The following CERS6 variants were observed in gnomAD, a reference collection of about 807,000 sequenced individuals.
CERS6 encodes ceramide synthase 6.
A neutral mutation model predicts 56.8 loss-of-function variants in CERS6; 26 were observed. The observed-to-expected ratio is 0.46, with a 90% CI of 0.34 to 0.63. The LOEUF (loss-of-function observed/expected upper bound fraction) is 0.63. CERS6 is among the 30% of genes least tolerant of loss of function. The pLI is 0.01. For missense variants in CERS6, 415 were observed against 467.5 expected, an observed-to-expected ratio of 0.89 and a Z score of 1.04; for synonymous variants, 164 against 173.3, an observed-to-expected ratio of 0.95 and a Z score of 0.42.
At chr2:168,523,565 G>T (rs1367670005) in intron 1 of CERS6, among the ~76,000 whole-genome samples, 2 of 152,058 alleles carry the variant, frequency 1.3e-5, no homozygotes, top group Non-Finnish European at 2.9e-5. Context: ...AGAGTAGAAA[G>T]AGCAAGCTCT....
At chr2:168,701,986 T>C (rs1251576413) in intron 6 of CERS6, among the ~76,000 whole-genome samples, 7 of 152,234 alleles carry the variant, frequency 4.6e-5, no homozygotes, top group Non-Finnish European at 1.0e-4. Context: ...TTATACTGTA[T>C]TTCTTAGGGA....
chr2:168,515,697 T>C (rs1694872586), intron 1 of CERS6, among the ~76,000 whole-genome samples: 1 of 152,232 alleles, frequency 6.6e-6, no homozygotes, highest in Non-Finnish European at 1.5e-5. Context: ...GAATGCGGTA[T>C]TTTAGAAGTC....
rs562882373 is a variant in CERS6 at position 168,642,168 on chromosome 2, T to C, written c.465+11126T>C. Among the ~76,000 whole-genome samples the C allele has an allele frequency of 2.0e-5, 3 of 152,094 alleles. No individual in the cohort carries two copies. The South Asian group carries it at 6.2e-4, about 32-fold the overall frequency. On this transcript the variant is annotated intron_variant, in intron 4 of 9. Transcript: ENST00000305747. ...AGGCATATCACTTGAGCCCAGGAGT[T>C]TGAGACCAACCTAGGCAATGTGACA...
chr2:168,662,251 A>T (rs1007829034), intron 4 of CERS6, among the ~76,000 whole-genome samples: 6 of 151,976 alleles, frequency 3.9e-5, no homozygotes, highest in Non-Finnish European at 7.4e-5. Context: ...GAGCCAATAC[A>T]TTTCACATAC....
chr2:168,631,001 T>A lies in CERS6; in HGVS notation c.424T>A (p.Tyr142Asn). 2.0e-6 allele frequency: 3 copies of A among 1,528,888 alleles called. No homozygotes were observed. The highest frequency in any genetic ancestry group is 2.7e-6 in the Non-Finnish European group (3 of 1,120,634). The allele number at this position is 1,528,888 out of a possible 1,614,324, so 94.7% of individuals were successfully genotyped here. A position where few individuals can be genotyped will look rare whatever the true frequency, so the allele number is the denominator to read the frequency against. ...CTTCTACAGGTGGAGATTTTCATTT[T>A]ACCTTTATGTATTTACCTACGGAGT... ...FCESMWRFSF[Y>N]LYVFTYGVRF... Residue 142 changes from tyrosine (Y) to asparagine (N), a missense_variant, in exon 4 of 10, where the codon TAC (tyrosine) becomes AAC (asparagine). Tyr to Asn is a moderately radical substitution (Grantham distance 143). Transcript: ENST00000305747.
In CERS6 at chr2:168,509,771, A is replaced by G. The variant is rs1253043896; in HGVS notation, c.171-37825A>G. ...GACCAGCGGCTTTCTTTCAGAAGAC[A>G]ACAGTAGGGTCAGGTGCAGTGGCTC... On this transcript the variant is annotated intron_variant, in intron 1 of 9. Transcript: ENST00000305747. Among the ~76,000 whole-genome samples the G allele has an allele frequency of 4.6e-5, 7 of 152,324 alleles. No homozygotes were observed. In the East Asian group the frequency reaches 1.3e-3, roughly 29 times the overall value.
intron 4 of CERS6, among the ~76,000 whole-genome samples, chr2:168,670,286 A>AT (rs563350204): frequency 2.1e-3 from 317 of 152,276 alleles, no homozygotes; most frequent in Middle Eastern, 3.4e-3. Context: ...ATTTGTCTGC[A>AT]TTTTTTCCCT....
intron 3 of CERS6, among the ~76,000 whole-genome samples, chr2:168,613,832 C>T (rs553449501): frequency 4.7e-4 from 71 of 152,324 alleles, no homozygotes; most frequent in Non-Finnish European, 9.1e-4. Context: ...GTCTCACTGT[C>T]TTCCCATGCT....
chr2:168,594,961 A>AAAAC (rs970487036), intron 3 of CERS6, among the ~76,000 whole-genome samples: 1 of 152,182 alleles, frequency 6.6e-6, no homozygotes, highest in Non-Finnish European at 1.5e-5. Flanking sequence ...GAATCTGAAG[A>AAAAC]ATACACTTCC....
chr2:168,503,756 G>A (rs1213574482), intron 1 of CERS6, among the ~76,000 whole-genome samples: 1 of 152,160 alleles, frequency 6.6e-6, no homozygotes, highest in African/African-American at 2.4e-5. Context: ...GGGAGGTGAG[G>A]TGAGTTGACC....
chr2:168,620,998 AGCAGTCT>A (rs1424617648), intron 3 of CERS6, among the ~76,000 whole-genome samples: 1 of 152,150 alleles, frequency 6.6e-6, no homozygotes, highest in Non-Finnish European at 1.5e-5. Context: ...CCTGGGCTCA[AGCAGTCT>A]GCCCAGCTGG....
intron 3 of CERS6, among the ~76,000 whole-genome samples, chr2:168,597,513 C>T (rs1342515409): frequency 2.6e-5 from 4 of 152,148 alleles, no homozygotes; most frequent in African/African-American, 9.7e-5. Context: ...GGGTCATTCT[C>T]AGGGTATGCT....
At chr2:168,494,771 A>G (rs1478664778) in intron 1 of CERS6, among the ~76,000 whole-genome samples, 1 of 152,124 alleles carries the variant, frequency 6.6e-6, no homozygotes, top group Non-Finnish European at 1.5e-5. Context: ...AGCATGGAAT[A>G]TCGATAGCTT....
intron 3 of CERS6, among the ~76,000 whole-genome samples, chr2:168,596,769 TGATCATGAACGCTTGGCGTC>T: frequency 6.6e-6 from 1 of 152,140 alleles, no homozygotes; most frequent in Non-Finnish European, 1.5e-5. Context: ...TTGGCCAGGC[TGATCATGAACGCTTGGCGTC>T]CCAAAGTGCT....
chr2:168,707,240 C>A (rs1027976833), intron 6 of CERS6, among the ~76,000 whole-genome samples: 3 of 152,194 alleles, frequency 2.0e-5, no homozygotes, highest in African/African-American at 7.2e-5. Flanking sequence ...ACAGTTATCC[C>A]CCTCAAGGAC....
intron 1 of CERS6, among the ~76,000 whole-genome samples, chr2:168,543,490 A>G (rs749574584): frequency 2.6e-5 from 2 of 75,802 alleles, no homozygotes; most frequent in African/African-American, 8.1e-5. Flanking sequence ...AGTTTTTTAC[A>G]TGGTCTAATG....
intron 1 of CERS6, among the ~76,000 whole-genome samples, chr2:168,467,648 C>T (rs569414292): frequency 1.1e-3 from 168 of 152,280 alleles, no homozygotes; most frequent in Non-Finnish European, 2.0e-3. Context: ...ACAACATATT[C>T]TCTCAAATTT....
intron 4 of CERS6, among the ~76,000 whole-genome samples, chr2:168,667,752 G>A (rs972913994): frequency 3.3e-5 from 5 of 152,106 alleles, no homozygotes; most frequent in Admixed American, 6.5e-5. Context: ...GTATTGGTGT[G>A]CTTATCAGTT....
At chr2:168,697,859 G>C (rs1686699652) in intron 6 of CERS6, among the ~76,000 whole-genome samples, 1 of 152,210 alleles carries the variant, frequency 6.6e-6, no homozygotes, top group Non-Finnish European at 1.5e-5. Context: ...GTCCTAGTAA[G>C]ACATTGCTAT....
Sources: gnomAD v4.1 joint callset for allele counts (sites outside exome capture counted in the v4.1 genomes callset) on GRCh38, gnomAD v4.1.1 for gene constraint, MANE v1.5 for transcripts, NCBI Gene and HGNC (gene_info 2026-07-23, HGNC 2026-07-21) for gene names.